Variants in EYS observed in about 807,000 individuals in gnomAD.
The protein encoded by EYS is EGF-like photoreceptor maintenance factor.
Under a neutral mutation model 282.1 loss-of-function variants are expected in EYS, and 250 were observed. That is an observed-to-expected ratio of 0.89 (90% CI 0.80 to 0.98). EYS has a LOEUF of 0.98. EYS is among the 50% of genes least tolerant of loss of function. The pLI, the probability that EYS is intolerant of heterozygous loss-of-function variation, is 0.00. For synonymous variants in EYS, 1,355 were observed against 1,282.9 expected (o/e 1.06, Z -1.20); for missense variants, 4,016 against 3,709.0 (o/e 1.08, Z -2.15).
chr6:64,566,149 A>G (rs1250586251), intron 26 of EYS, among the ~76,000 whole-genome samples: 3 of 152,124 alleles, frequency 2.0e-5, no homozygotes, highest in Non-Finnish European at 4.4e-5. Context: ...ATAAGGAGGA[A>G]AGAAGACTTA....
chr6:65,171,482 A>C (rs976019290), intron 12 of EYS, among the ~76,000 whole-genome samples: 3 of 151,564 alleles, frequency 2.0e-5, no homozygotes, highest in African/African-American at 7.2e-5. Flanking sequence ...TTATGAAGTT[A>C]AACAGAAACA....
intron 14 of EYS, among the ~76,000 whole-genome samples, chr6:64,966,437 A>G (rs1770098107): frequency 6.6e-6 from 1 of 152,190 alleles, no homozygotes; most frequent in African/African-American, 2.4e-5. Flanking sequence ...TAAAATTACC[A>G]TGGCTTAGAA....
chr6:65,472,708 A>G (rs1765259753), intron 5 of EYS, among the ~76,000 whole-genome samples: 1 of 152,020 alleles, frequency 6.6e-6, no homozygotes, highest in South Asian at 2.1e-4. Flanking sequence ...TAAACTACGT[A>G]TATTTCTGTA....
intron 11 of EYS, among the ~76,000 whole-genome samples, chr6:65,333,740 T>TAC (rs145991016): frequency 1.3e-5 from 2 of 151,746 alleles, no homozygotes; most frequent in Admixed American, 6.6e-5. Context: ...CATATATATA[T>TAC]ACACACACAT....
chr6:63,936,495 G>A (rs967239842), intron 35 of EYS, among the ~76,000 whole-genome samples: 1 of 152,132 alleles, frequency 6.6e-6, no homozygotes, highest in Admixed American at 6.6e-5. Flanking sequence ...CCAGCTTACT[G>A]TGCATAGTCT....
At chr6:65,660,159 C>T (rs1318118497) in intron 1 of EYS, among the ~76,000 whole-genome samples, 2 of 151,668 alleles carry the variant, frequency 1.3e-5, no homozygotes, top group South Asian at 2.1e-4. Flanking sequence ...AGCATTGAGT[C>T]CTGTGCAAAT....
At chr6:65,547,444 G>A (rs762990807) in intron 2 of EYS, among the ~76,000 whole-genome samples, 2 of 151,814 alleles carry the variant, frequency 1.3e-5, no homozygotes, top group African/African-American at 2.4e-5. Flanking sequence ...AGTAATGAAT[G>A]TTTTATAATA....
intron 30 of EYS, among the ~76,000 whole-genome samples, chr6:64,266,813 G>A (rs939106703): frequency 2.6e-5 from 4 of 152,080 alleles, no homozygotes; most frequent in Non-Finnish European, 4.4e-5. Context: ...TGGGGTGTTT[G>A]GTAAGACTCC....
chr6:65,602,752 T>TGAAA (rs1316366667), intron 2 of EYS, among the ~76,000 whole-genome samples: 11 of 151,956 alleles, frequency 7.2e-5, no homozygotes, highest in African/African-American at 2.7e-4. Flanking sequence ...AATATCTGAA[T>TGAAA]GAAAGAGTGA....
chr6:64,815,932 T>C (rs775395609), intron 21 of EYS, among the ~76,000 whole-genome samples: 2 of 152,112 alleles, frequency 1.3e-5, no homozygotes, highest in African/African-American at 2.4e-5. Context: ...GTGACAGTTA[T>C]CTCACTGACT....
At chr6:65,336,555 G>C (rs967840688) in intron 10 of EYS, among the ~76,000 whole-genome samples, 1 of 151,370 alleles carries the variant, frequency 6.6e-6, no homozygotes, top group African/African-American at 2.4e-5. Context: ...AATAGTAACT[G>C]ATGTGATGGA....
At chr6:64,388,917 T>A (rs924266550) in intron 28 of EYS, 77 bp from the exon 29 acceptor site, 19 of 934,592 alleles carry the variant, frequency 2.0e-5, no homozygotes, top group Middle Eastern at 2.2e-4. Context: ...TAAACTATTA[T>A]CAAAAGAATA....
chr6:65,235,687 G>C (rs1308294621), intron 12 of EYS, among the ~76,000 whole-genome samples: 1 of 151,946 alleles, frequency 6.6e-6, no homozygotes, highest in African/African-American at 2.4e-5. Flanking sequence ...ATGTGATTCT[G>C]GTAATTTACA....
chr6:64,781,312 G>T (rs1773851741), intron 22 of EYS, among the ~76,000 whole-genome samples: 1 of 152,066 alleles, frequency 6.6e-6, no homozygotes, highest in Non-Finnish European at 1.5e-5. Flanking sequence ...AGGGACTAAG[G>T]CATCTAGTTT....
intron 36 of EYS, among the ~76,000 whole-genome samples, chr6:63,820,780 T>G (rs987720196): frequency 4.6e-5 from 7 of 152,204 alleles, no homozygotes; most frequent in African/African-American, 1.7e-4. Flanking sequence ...AATTTTCTCT[T>G]CTTCCTGTTG....
chr6:65,648,826 C>T (rs968179508), intron 1 of EYS, among the ~76,000 whole-genome samples: 1 of 152,022 alleles, frequency 6.6e-6, no homozygotes, highest in African/African-American at 2.4e-5. Flanking sequence ...TAGGCTTTTA[C>T]ACATGTAAGA....
At chr6:64,498,669 T>C (rs1776957080) in intron 26 of EYS, among the ~76,000 whole-genome samples, 2 of 149,486 alleles carry the variant, frequency 1.3e-5, no homozygotes, top group Non-Finnish European at 1.5e-5. Context: ...TTCCCCTCCC[T>C]GTGTCCATGT....
chr6:64,275,890 AG>A (rs528754081), intron 30 of EYS, among the ~76,000 whole-genome samples: 3 of 151,580 alleles, frequency 2.0e-5, no homozygotes, highest in East Asian at 3.9e-4. Flanking sequence ...GCTTGACTCC[AG>A]GGGGCAGAGG....
intron 33 of EYS, among the ~76,000 whole-genome samples, chr6:64,039,554 T>C (rs1204659313): frequency 6.6e-6 from 1 of 152,188 alleles, no homozygotes; most frequent in African/African-American, 2.4e-5. Flanking sequence ...CAAGACATTC[T>C]GGGTTTGAGA....
Sources: allele counts gnomAD v4.1 joint callset (sites outside exome capture counted in the v4.1 genomes callset), GRCh38; gene constraint gnomAD v4.1.1; transcripts MANE v1.5; gene names NCBI Gene and HGNC (gene_info 2026-07-23, HGNC 2026-07-21).